Variants in PTPRM observed in about 807,000 individuals in gnomAD.
PTPRM encodes receptor-type tyrosine-protein phosphatase mu.
Under a neutral mutation model 186.7 loss-of-function variants are expected in PTPRM, and 47 were observed. The observed-to-expected ratio is 0.25, with a 90% CI of 0.20 to 0.32. The LOEUF (loss-of-function observed/expected upper bound fraction) is 0.32, where lower values mean the gene tolerates loss of function less well. Among genes scored for constraint, PTPRM ranks in the 10% least tolerant of loss-of-function variants. The pLI is 1.00. For missense variants in PTPRM, 1,494 were observed against 1,865.0 expected, an observed-to-expected ratio of 0.80 and a Z score of 3.66; for synonymous variants, 668 against 674.9, an observed-to-expected ratio of 0.99 and a Z score of 0.16.
intron 22 of PTPRM, among the ~76,000 whole-genome samples, chr18:8,320,475 T>C (rs2095338891): frequency 6.6e-6 from 1 of 152,222 alleles, no homozygotes; most frequent in Non-Finnish European, 1.5e-5. Flanking sequence ...CTATCTGCAC[T>C]GTCCGATATC....
At chr18:7,584,939 C>T (rs1359761723) in intron 1 of PTPRM, among the ~76,000 whole-genome samples, 1 of 152,162 alleles carries the variant, frequency 6.6e-6, no homozygotes, top group African/African-American at 2.4e-5. Flanking sequence ...TTAAGGAGCT[C>T]ACAGGAAAAC....
At chr18:8,247,456 A>G (rs2094487935) in intron 15 of PTPRM, among the ~76,000 whole-genome samples, 1 of 152,206 alleles carries the variant, frequency 6.6e-6, no homozygotes, top group Non-Finnish European at 1.5e-5. Context: ...GACATTGGGA[A>G]TCGTCTCCAA....
chr18:8,390,208 G>A (rs1453048959), intron 31 of PTPRM, among the ~76,000 whole-genome samples: 1 of 152,186 alleles, frequency 6.6e-6, no homozygotes, highest in East Asian at 1.9e-4. Flanking sequence ...CCATTGCAAC[G>A]CAGCACTGCA....
intron 1 of PTPRM, among the ~76,000 whole-genome samples, chr18:7,712,943 A>G (rs1425437360): frequency 1.3e-5 from 2 of 152,120 alleles, no homozygotes; most frequent in Non-Finnish European, 2.9e-5. Flanking sequence ...TGGAAAACAC[A>G]CTTAAGGATA....
intron 2 of PTPRM, among the ~76,000 whole-genome samples, chr18:7,807,774 GT>G (rs2044306425): frequency 6.6e-6 from 1 of 152,220 alleles, no homozygotes; most frequent in Admixed American, 6.5e-5. Flanking sequence ...TGACGTTTAT[GT>G]GGTTGAAGAA....
At chr18:8,247,765 C>T in intron 15 of PTPRM, 80 bp from the exon 16 acceptor site, 1 of 1,019,172 alleles carries the variant, frequency 9.8e-7, no homozygotes, top group Non-Finnish European at 1.5e-6. Context: ...ATGGAGTCAC[C>T]ATGGGTGGTC....
intron 7 of PTPRM, among the ~76,000 whole-genome samples, chr18:8,032,693 G>T (rs2086059649): frequency 6.6e-6 from 1 of 151,990 alleles, no homozygotes; most frequent in South Asian, 2.1e-4. Context: ...AGGATGATTT[G>T]CCCCCATCAT....
At chr18:8,303,007 A>G (rs1272564440) in intron 20 of PTPRM, among the ~76,000 whole-genome samples, 1 of 152,142 alleles carries the variant, frequency 6.6e-6, no homozygotes, top group Non-Finnish European at 1.5e-5. Flanking sequence ...GGGCTGGATT[A>G]TAAATCAGTG....
intron 9 of PTPRM, among the ~76,000 whole-genome samples, chr18:8,083,114 C>CT (rs2090231782): frequency 6.6e-6 from 1 of 152,134 alleles, no homozygotes; most frequent in African/African-American, 2.4e-5. Context: ...GCCCTGGACT[C>CT]TGCTGTACTT....
intron 7 of PTPRM, among the ~76,000 whole-genome samples, chr18:7,986,102 G>C (rs567279387): frequency 2.0e-5 from 3 of 152,276 alleles, no homozygotes; most frequent in East Asian, 1.9e-4. Context: ...AAGGCCCAAT[G>C]CTCAAATAGA....
intron 14 of PTPRM, among the ~76,000 whole-genome samples, chr18:8,234,403 A>G (rs189351777): frequency 1.3e-5 from 2 of 152,228 alleles, no homozygotes; most frequent in African/African-American, 2.4e-5. Context: ...GGTATATAGG[A>G]AAGTATTGAC....
At chr18:8,348,023 C>T (rs1568800627) in intron 23 of PTPRM, among the ~76,000 whole-genome samples, 2 of 152,218 alleles carry the variant, frequency 1.3e-5, no homozygotes, top group African/African-American at 4.8e-5. Flanking sequence ...GGCTGTTTCC[C>T]ATTGTTAATC....
chr18:8,300,963 G>A (rs1235289017), intron 20 of PTPRM, among the ~76,000 whole-genome samples: 2 of 152,116 alleles, frequency 1.3e-5, no homozygotes, highest in African/African-American at 4.8e-5. Flanking sequence ...CACGTACATA[G>A]TGGCTGTTTC....
At chr18:8,002,234 G>C (rs1249638541) in intron 7 of PTPRM, among the ~76,000 whole-genome samples, 1 of 152,124 alleles carries the variant, frequency 6.6e-6, no homozygotes, top group Non-Finnish European at 1.5e-5. Context: ...TCTCCATTTT[G>C]TTATTTCACT....
chr18:7,981,896 A>G (rs1444177810), intron 7 of PTPRM, among the ~76,000 whole-genome samples: 1 of 152,182 alleles, frequency 6.6e-6, no homozygotes, highest in East Asian at 1.9e-4. Context: ...TACAGTAAAA[A>G]TATGATATTG....
chr18:8,094,181 G>T (rs1219253725), intron 11 of PTPRM, among the ~76,000 whole-genome samples: 1 of 152,088 alleles, frequency 6.6e-6, no homozygotes, highest in Non-Finnish European at 1.5e-5. Context: ...AACTTATAGT[G>T]TAAAACCTTG....
rs554753185 is a variant in PTPRM, at chr18:8,001,527, A to T, written c.1132+46113A>T. Among the ~76,000 whole-genome samples, 10 of 151,936 alleles carry T rather than the reference A, an allele frequency of 6.6e-5. 1 individual carries two copies. Among genetic ancestry groups the T allele is most frequent in the Non-Finnish European group, 1.5e-4 (10 of 67,952 alleles). On this transcript the variant is annotated intron_variant, in intron 7 of 32. Coordinates refer to ENST00000580170, the MANE Select transcript of PTPRM (RefSeq NM_001105244.2). ...TTCTGGTGCTAGACAACTGGATGAAAGGTTTGTTTTTTTTTTTATTTGCCC... is the reference window on the plus strand; with the variant it reads ...TTCTGGTGCTAGACAACTGGATGAATGGTTTGTTTTTTTTTTTATTTGCCC...
intron 22 of PTPRM, among the ~76,000 whole-genome samples, chr18:8,322,916 C>T (rs1291027964): frequency 2.6e-5 from 4 of 152,132 alleles, no homozygotes; most frequent in Admixed American, 6.5e-5. Flanking sequence ...AACTCCTGGG[C>T]TCATGTAATT....
rs2087686698 is a variant in PTPRM at position 8,053,772 on chromosome 18, A to G, written c.1133-15914A>G. Among the ~76,000 whole-genome samples the G allele has an allele frequency of 2.0e-5, 3 of 152,156 alleles. No individual in the cohort carries two copies. In the South Asian group the frequency reaches 6.2e-4, roughly 31 times the overall value. The stretch of plus-strand genomic sequence containing the variant: ...CACCTTTACCACATTGAGTCTGCCC[A>G]TTCATAAACATGGTATAACTCCAAT... On this transcript the variant is annotated intron_variant, in intron 7 of 32. Coordinates refer to ENST00000580170, the MANE Select transcript of PTPRM (RefSeq NM_001105244.2).
Sources: allele counts gnomAD v4.1 joint callset (sites outside exome capture counted in the v4.1 genomes callset), GRCh38; gene constraint gnomAD v4.1.1; transcripts MANE v1.5; gene names NCBI Gene and HGNC (gene_info 2026-07-23, HGNC 2026-07-21).